Variants in SOX13 observed in about 807,000 individuals in gnomAD.
SOX13 encodes SRY-box transcription factor 13.
Under a neutral mutation model 71.8 loss-of-function variants are expected in SOX13, and 28 were observed. That is an observed-to-expected ratio of 0.39 (90% CI 0.29 to 0.53). The LOEUF is 0.53. SOX13 is among the 20% of genes least tolerant of loss of function. The probability of loss-of-function intolerance (pLI) is 0.70; values close to 1 mark genes in which losing one functional copy is unlikely to be tolerated. For synonymous variants in SOX13, 309 were observed against 317.8 expected (o/e 0.97, Z 0.29); for missense variants, 627 against 810.3 (o/e 0.77, Z 2.75).
chr1:204,089,076 C>G (rs896266944), intron 1 of SOX13, among the ~76,000 whole-genome samples: 1 of 150,750 alleles, frequency 6.6e-6, no homozygotes, highest in African/African-American at 2.4e-5. Flanking sequence ...AAGAGCTAGG[C>G]CTTGTATTAA....
At chr1:204,090,450 C>T (rs960290218) in intron 1 of SOX13, among the ~76,000 whole-genome samples, 2 of 150,798 alleles carry the variant, frequency 1.3e-5, no homozygotes, top group Non-Finnish European at 3.0e-5. Flanking sequence ...ACTCTGTCAC[C>T]CAGGCTGGAG....
At chr1:204,103,036 G>T (rs1656391974) in intron 1 of SOX13, among the ~76,000 whole-genome samples, 1 of 152,220 alleles carries the variant, frequency 6.6e-6, no homozygotes, top group East Asian at 1.9e-4. Flanking sequence ...GGCAGGGAGG[G>T]AGAGGGACTC....
intron 1 of SOX13, among the ~76,000 whole-genome samples, chr1:204,082,091 A>G: frequency 7.0e-6 from 1 of 142,618 alleles, no homozygotes. Flanking sequence ...GGGGGGAGGG[A>G]AGCTGAGTGT....
chr1:204,118,953 T>C (rs1656750114), intron 7 of SOX13: 1 of 152,170 alleles, frequency 6.6e-6, no homozygotes, highest in South Asian at 2.1e-4. Context: ...CAGGGGATGA[T>C]ACCTGAACTA....
intron 1 of SOX13, among the ~76,000 whole-genome samples, chr1:204,080,514 C>T (rs1037029596): frequency 5.9e-5 from 9 of 152,102 alleles, no homozygotes; most frequent in Non-Finnish European, 1.2e-4. Context: ...CAGAGGAGGC[C>T]CGACTGTTCT....
chr1:204,115,909 A>G (rs911297696), intron 4 of SOX13, among the ~76,000 whole-genome samples: 6 of 151,462 alleles, frequency 4.0e-5, no homozygotes, highest in African/African-American at 1.5e-4. Context: ...CAAGTGATCC[A>G]CCTGTCTCGG....
intron 1 of SOX13, among the ~76,000 whole-genome samples, chr1:204,082,570 C>G (rs1329737395): frequency 6.6e-6 from 1 of 152,140 alleles, no homozygotes; most frequent in Non-Finnish European, 1.5e-5. Context: ...CAGCCATCCC[C>G]CTCGCCCGGG....
At chr1:204,085,361 A>G (rs949741516) in intron 1 of SOX13, among the ~76,000 whole-genome samples, 1 of 152,310 alleles carries the variant, frequency 6.6e-6, no homozygotes, top group African/African-American at 2.4e-5. Context: ...AAGTATAGAG[A>G]AAGGATGTAA....
intron 6 of SOX13, among the ~76,000 whole-genome samples, 157 bp downstream of exon 6, chr1:204,117,347 C>A (rs1274362908): frequency 1.3e-5 from 2 of 152,146 alleles, no homozygotes; most frequent in Non-Finnish European, 2.9e-5. Context: ...TTCTAGCCCC[C>A]AACCTGTCTT....
Position 204,122,224 on chromosome 1 carries a change from G to T in SOX13, c.862-13G>T. 1 of 1,559,504 alleles carries T rather than the reference G, an allele frequency of 6.4e-7. No homozygotes were observed. The stretch of plus-strand genomic sequence containing the variant: ...GGTGTCTGTCATCCTCTGACCTGCT[G>T]GGTCTCCCTCAGGAGCCCTCCCAGC... On this transcript the variant is annotated splice_polypyrimidine_tract_variant and intron_variant, in intron 8 of 13. Coordinates refer to ENST00000367204, the MANE Select transcript of SOX13 (RefSeq NM_005686.3).
At chr1:204,091,458 A>G (rs1030097956) in intron 1 of SOX13, among the ~76,000 whole-genome samples, 2 of 152,210 alleles carry the variant, frequency 1.3e-5, no homozygotes, top group East Asian at 3.9e-4. Context: ...TACTCATCCA[A>G]TGGATAAGCT....
chr1:204,110,813 G>C (rs1656566860), intron 1 of SOX13, among the ~76,000 whole-genome samples: 1 of 151,860 alleles, frequency 6.6e-6, no homozygotes, highest in Non-Finnish European at 1.5e-5. Context: ...CTGCACCTGG[G>C]AGGTTTAAGG....
intron 1 of SOX13, among the ~76,000 whole-genome samples, chr1:204,099,973 C>A (rs1656328827): frequency 6.6e-6 from 1 of 152,026 alleles, no homozygotes; most frequent in South Asian, 2.1e-4. Context: ...AAGACCCTGT[C>A]ACTATAAAAA....
chr1:204,080,085 A>G (rs4951301), intron 1 of SOX13, among the ~76,000 whole-genome samples: 40,061 of 152,058 alleles, frequency 0.26, 5,916 homozygotes, highest in South Asian at 0.48. Context: ...GAGGAAAAGA[A>G]GGAAGAAGTG....
rs182084595 is a variant in SOX13, at chr1:204,113,681, A to C, written c.219+547A>C. Among the ~76,000 whole-genome samples, 313 of 151,560 alleles carry C rather than the reference A, an allele frequency of 2.1e-3. 2 individuals are homozygous for C. The highest frequency in any genetic ancestry group is 6.4e-3 in the African/African-American group (263 of 41,296). Reference sequence around the variant, plus strand: ...AATCCAAATAAGTGAAAATGAGGAGAGTTATGGGCTCTAAGAAAGAATCCA... The same window carrying C: ...AATCCAAATAAGTGAAAATGAGGAGCGTTATGGGCTCTAAGAAAGAATCCA... On this transcript the variant is annotated intron_variant, in intron 2 of 13. Coordinates refer to ENST00000367204, the MANE Select transcript of SOX13 (RefSeq NM_005686.3).
chr1:204,123,508 C>T lies in SOX13; in HGVS notation c.1232-153C>T, dbSNP rs1656855008. On this transcript the variant is annotated intron_variant, in intron 11 of 13. Coordinates refer to ENST00000367204, the MANE Select transcript of SOX13 (RefSeq NM_005686.3). This position sits in a 1 kb window ranked among gnomAD's most constrained non-coding sequence, Gnocchi z 5.0. ...GGATAATTTGCTGTTTCTTCTGCCC[C>T]ATCTGCTCCTGCCTTGCTCCTCCTC... 6.6e-6 allele frequency among the ~76,000 whole-genome samples: 1 copy of T among 152,192 alleles called. No homozygotes were observed. The highest frequency in any genetic ancestry group is 2.4e-5 in the African/African-American group (1 of 41,434).
At chr1:204,117,027 C>A in intron 5 of SOX13, 95 bp from the exon 6 acceptor site, 1 of 1,250,862 alleles carries the variant, frequency 8.0e-7, no homozygotes. Flanking sequence ...CATGGCTTGC[C>A]CCACTGTAGA....
chr1:204,092,795 C>G (rs942357612), intron 1 of SOX13, among the ~76,000 whole-genome samples: 1 of 152,020 alleles, frequency 6.6e-6, no homozygotes, highest in South Asian at 2.1e-4. Flanking sequence ...ATCAGCTTCC[C>G]GGTGTGTGGT....
intron 8 of SOX13, 87 bp downstream of exon 8, chr1:204,122,072 G>C (rs893508596): frequency 9.3e-7 from 1 of 1,071,156 alleles, no homozygotes; most frequent in South Asian, 1.4e-5. Flanking sequence ...GGTGTGGACT[G>C]GTGAGCCCTG....
Sources: allele counts gnomAD v4.1 joint callset (sites outside exome capture counted in the v4.1 genomes callset), GRCh38; gene constraint gnomAD v4.1.1; non-coding constraint Gnocchi (gnomAD v3.1); transcripts MANE v1.5; gene names NCBI Gene and HGNC (gene_info 2026-07-23, HGNC 2026-07-21).